GRAMD1B: variants seen among roughly 807,000 people sequenced by gnomAD.
GRAMD1B encodes protein Aster-B.
Under a neutral mutation model 99.7 loss-of-function variants are expected in GRAMD1B, and 37 were observed. The ratio of observed to expected loss-of-function variants is 0.37; its 90% CI spans 0.29 to 0.49. GRAMD1B has a LOEUF of 0.49. Ranked by LOEUF, GRAMD1B falls within the 20% of genes least tolerant of loss-of-function variation. The pLI, the probability that GRAMD1B is intolerant of heterozygous loss-of-function variation, is 0.98. For synonymous variants in GRAMD1B, 427 were observed against 387.6 expected (o/e 1.10, Z -1.19); for missense variants, 888 against 1,009.2 (o/e 0.88, Z 1.63).
intron 1 of GRAMD1B, among the ~76,000 whole-genome samples, chr11:123,468,347 T>C (rs1011650035): frequency 6.6e-6 from 1 of 152,064 alleles, no homozygotes; most frequent in African/African-American, 2.4e-5. Context: ...TCATCAGATA[T>C]GTATTATACA....
chr11:123,618,601 C>T (rs1320313554), intron 17 of GRAMD1B, 92 bp from the exon 18 acceptor site: 11 of 836,524 alleles, frequency 1.3e-5, no homozygotes, highest in South Asian at 2.7e-5. Flanking sequence ...GATGGCCCAC[C>T]GGTCAGGGAC....
chr11:123,538,412 A>G (rs1170893640), intron 2 of GRAMD1B, among the ~76,000 whole-genome samples: 1 of 152,054 alleles, frequency 6.6e-6, no homozygotes, highest in Non-Finnish European at 1.5e-5. Context: ...TGATATAATC[A>G]TGTACTGTAC....
In GRAMD1B at chr11:123,526,264, C is replaced by G. The variant is rs919614401; in HGVS notation, c.452+45371C>G. The G allele has an allele frequency of 8.4e-6, 9 of 1,068,746 alleles. No homozygotes were observed. The African/African-American group carries it at 1.4e-4, about 17-fold the overall frequency. 66.2% of individuals were successfully genotyped at this position (1,068,746 alleles called of 1,614,324 possible). A position where few individuals can be genotyped will look rare whatever the true frequency, so the allele number is the denominator to read the frequency against. ...CCTCAAGAGGTCTCCTTCATTGATG[C>G]CATCTCACCAGGCATCGAGGGGTTA... On this transcript the variant is annotated intron_variant, in intron 2 of 19. Coordinates refer to ENST00000635736, the MANE Select transcript of GRAMD1B (RefSeq NM_001387025.1).
chr11:123,471,841 G>T (rs1192935909), intron 1 of GRAMD1B, among the ~76,000 whole-genome samples: 1 of 152,158 alleles, frequency 6.6e-6, no homozygotes, highest in African/African-American at 2.4e-5. Flanking sequence ...TTCATACTCC[G>T]ACTTCATACA....
At position 123,622,680 on chromosome 11, in the gene GRAMD1B, A is replaced by C; in HGVS notation, c.*85A>C. 1 of 311,526 alleles carries C rather than the reference A, an allele frequency of 3.2e-6. No individual in the cohort carries two copies. The highest frequency in any genetic ancestry group is 5.6e-6 in the Non-Finnish European group (1 of 177,368). The allele number at this position is 311,526 out of a possible 1,614,324, so 19.3% of individuals were successfully genotyped here. A position where few individuals can be genotyped will look rare whatever the true frequency, so the allele number is the denominator to read the frequency against. ...AATATATATATATAAATATATATAT[A>C]TACAGAATATAAATATATATATTAT... On this transcript the variant is annotated 3_prime_UTR_variant, in exon 20 of 20. Transcript: ENST00000635736.
In GRAMD1B at chr11:123,482,342, A is replaced by C. The variant is rs181830581; in HGVS notation, c.452+1449A>C. Among the ~76,000 whole-genome samples the C allele has an allele frequency of 3.3e-5, 5 of 152,096 alleles. No homozygotes were observed. In the East Asian group the frequency reaches 5.8e-4, roughly 18 times the overall value. On this transcript the variant is annotated intron_variant, in intron 2 of 19. Transcript: ENST00000635736. ...TTGAACTCCTGGCCTCAAGTGATTC[A>C]CCTGCTTCAGCCCTCAAAGTGCTGG...
chr11:123,558,116 T>C (rs747982740), intron 2 of GRAMD1B, among the ~76,000 whole-genome samples: 19 of 151,712 alleles, frequency 1.3e-4, no homozygotes, highest in Non-Finnish European at 1.9e-4. Flanking sequence ...CCCGAGTAGC[T>C]GGGATTACAA....
At chr11:123,405,192 A>ATG (rs145624429) in intron 1 of GRAMD1B, among the ~76,000 whole-genome samples, 4,941 of 147,864 alleles carry the variant, frequency 0.033, 115 homozygotes, top group Middle Eastern at 0.055. Flanking sequence ...TCATGTGTGC[A>ATG]TGTGTGTGTG....
intron 2 of GRAMD1B, among the ~76,000 whole-genome samples, chr11:123,544,379 A>G (rs190404969): frequency 6.6e-6 from 1 of 152,292 alleles, no homozygotes; most frequent in African/African-American, 2.4e-5. Flanking sequence ...GCTTCCAACC[A>G]AACCCCTGAC....
intron 2 of GRAMD1B, among the ~76,000 whole-genome samples, chr11:123,511,794 G>C (rs1941051649): frequency 6.6e-6 from 1 of 152,194 alleles, no homozygotes; most frequent in Non-Finnish European, 1.5e-5. Context: ...GCCTGAACCG[G>C]CAGGAATGTG....
chr11:123,453,921 A>T (rs779442967), intron 1 of GRAMD1B, among the ~76,000 whole-genome samples: 3 of 152,152 alleles, frequency 2.0e-5, no homozygotes, highest in Non-Finnish European at 4.4e-5. Context: ...AGAAACAGAA[A>T]TGTGTTTCTA....
intron 2 of GRAMD1B, among the ~76,000 whole-genome samples, chr11:123,484,731 C>T (rs79419088): frequency 0.012 from 1,762 of 152,216 alleles, 44 homozygotes; most frequent in African/African-American, 0.04. Context: ...ATAGCCCTTC[C>T]GAAGAAAGTC....
chr11:123,390,161 ACT>A (rs1207701362), intron 1 of GRAMD1B, among the ~76,000 whole-genome samples: 1 of 150,362 alleles, frequency 6.7e-6, no homozygotes, highest in Non-Finnish European at 1.5e-5. Flanking sequence ...AGAGAGAGAG[ACT>A]CTCTGACTTG....
At chr11:123,361,539 G>A (rs141087142) in intron 1 of GRAMD1B, among the ~76,000 whole-genome samples, 50 of 152,148 alleles carry the variant, frequency 3.3e-4, no homozygotes, top group Middle Eastern at 3.4e-3. Context: ...TCCTTTCTCC[G>A]TCTTGCAACT....
At chr11:123,575,448 G>C (rs926264952) in intron 2 of GRAMD1B, among the ~76,000 whole-genome samples, 1 of 152,124 alleles carries the variant, frequency 6.6e-6, no homozygotes, top group Non-Finnish European at 1.5e-5. Flanking sequence ...CTCCCAAGTA[G>C]CTGGGATTAC....
chr11:123,477,818 A>G (rs949940617), intron 1 of GRAMD1B, among the ~76,000 whole-genome samples: 5 of 137,198 alleles, frequency 3.6e-5, no homozygotes, highest in Admixed American at 1.6e-4. Context: ...TCTGTCGCCC[A>G]GGCTGGAGTG....
rs1955473290 is a variant in GRAMD1B, at chr11:123,625,902, T to G, written c.*3307T>G. 1 of 144,466 alleles carries G rather than the reference T, an allele frequency of 6.9e-6. No individual in the cohort carries two copies. The highest frequency in any genetic ancestry group is 2.6e-5 in the African/African-American group (1 of 38,380). The allele number at this position is 144,466 out of a possible 1,614,324, so 8.9% of individuals were successfully genotyped here. ...ACCCAGGGTGATTAAAATTTATTCT[T>G]TAGGTGGCTAGGAGGGCTGGGGAGG... On this transcript the variant is annotated 3_prime_UTR_variant, in exon 20 of 20. Coordinates refer to ENST00000635736, the MANE Select transcript of GRAMD1B (RefSeq NM_001387025.1).
intron 1 of GRAMD1B, among the ~76,000 whole-genome samples, chr11:123,400,871 C>G (rs1211749388): frequency 6.6e-6 from 1 of 152,150 alleles, no homozygotes; most frequent in Non-Finnish European, 1.5e-5. Flanking sequence ...GAGCAGGGAG[C>G]TGGGTGCTAT....
In GRAMD1B at chr11:123,548,225, T is replaced by C. The variant is rs1945203328; in HGVS notation, c.453-29142T>C. Among the ~76,000 whole-genome samples the C allele has an allele frequency of 2.0e-5, 3 of 150,048 alleles. No individual in the cohort carries two copies. The South Asian group carries it at 6.4e-4, about 32-fold the overall frequency. ...TTGGCTACTTTTATCCTTAGATCTC[T>C]TCTCTCCTGACTTGTTCCCTTCCAG... On this transcript the variant is annotated intron_variant, in intron 2 of 19. Transcript: ENST00000635736.
Sources: allele counts gnomAD v4.1 joint callset (sites outside exome capture counted in the v4.1 genomes callset), GRCh38; gene constraint gnomAD v4.1.1; transcripts MANE v1.5; gene names NCBI Gene and HGNC (gene_info 2026-07-23, HGNC 2026-07-21).